GNAI2: variants seen among roughly 807,000 people sequenced by gnomAD.
GNAI2 encodes the protein G protein subunit alpha i2, also known as guanine nucleotide-binding protein G(i) subunit alpha-2.
In GNAI2, 4 loss-of-function variants were observed where a neutral mutation model predicts 36.8. That is an observed-to-expected ratio of 0.11 (90% CI 0.05 to 0.25). The LOEUF (loss-of-function observed/expected upper bound fraction) is 0.25. Ranked by LOEUF, GNAI2 falls within the 10% of genes least tolerant of loss-of-function variation. The pLI is 1.00. For synonymous variants in GNAI2, 194 were observed against 194.1 expected, an observed-to-expected ratio of 1.00 and a Z score of 0.01; for missense variants, 230 against 481.3, an observed-to-expected ratio of 0.48 and a Z score of 4.89.
At chr3:50,227,118 C>G (rs1307955300), upstream of GNAI2, 4 of 1,377,362 alleles carry the variant, frequency 2.9e-6, no homozygotes, top group Non-Finnish European at 2.8e-6. The surrounding 1 kb of genome is among the most constrained non-coding windows in gnomAD (Gnocchi z 5.9). Flanking sequence ...AAGGAGGGAG[C>G]GTCTCATGAC....
Position 50,238,880 on chromosome 3 carries a change from C to A in GNAI2, c.118+2427C>A, listed in dbSNP as rs1700243292. ...GGGACTCAGGTTGGGCAACTGCCAGCCTTCCCTCCCAGCCAGAACCACGCC... is the reference window on the plus strand; with the variant it reads ...GGGACTCAGGTTGGGCAACTGCCAGACTTCCCTCCCAGCCAGAACCACGCC... On this transcript the variant is annotated intron_variant, in intron 1 of 8. Coordinates refer to ENST00000313601, the MANE Select transcript of GNAI2 (RefSeq NM_002070.4). This position sits in a 1 kb window ranked among gnomAD's most constrained non-coding sequence, Gnocchi z 5.0. Among the ~76,000 whole-genome samples, 1 of 152,226 alleles carries A rather than the reference C, an allele frequency of 6.6e-6. No homozygotes were observed. The highest frequency in any genetic ancestry group is 2.4e-5 in the African/African-American group (1 of 41,446).
upstream of GNAI2, chr3:50,227,141 G>A (rs1247799832): frequency 7.7e-6 from 11 of 1,435,932 alleles, no homozygotes; most frequent in Non-Finnish European, 9.1e-6. This position sits in a 1 kb window ranked among gnomAD's most constrained non-coding sequence, Gnocchi z 5.9. Flanking sequence ...AGGGTGTGAA[G>A]ACGCTAGGCT....
chr3:50,228,151 G>T (rs1163548710), upstream of GNAI2, among the ~76,000 whole-genome samples: 3 of 152,214 alleles, frequency 2.0e-5, no homozygotes, highest in Non-Finnish European at 4.4e-5. Flanking sequence ...GTCTCCACAG[G>T]CTTCACTCCA....
intron 5 of GNAI2, 189 bp from the exon 6 acceptor site, chr3:50,256,515 TGCTGCTCCTGCCTGATGTG>T: frequency 2.8e-6 from 2 of 707,400 alleles, no homozygotes; most frequent in Non-Finnish European, 4.9e-6. Context: ...TCACAGCCTC[TGCTGCTCCTGCCTGATGTG>T]GCTGCAGCCT....
upstream of GNAI2, among the ~76,000 whole-genome samples, chr3:50,231,219 T>C (rs1700060424): frequency 6.6e-6 from 1 of 152,180 alleles, no homozygotes. Flanking sequence ...CGTATACAAC[T>C]ACATGAATAT....
At chr3:50,256,100 T>A in intron 4 of GNAI2, 92 bp from the exon 5 acceptor site, 1 of 458,638 alleles carries the variant, frequency 2.2e-6, no homozygotes, top group Non-Finnish European at 4.2e-6. Flanking sequence ...AGAAATGGCA[T>A]GGGAGGGAAG....
rs782525384 is a variant in GNAI2 at position 50,257,699 on chromosome 3, G to A, written c.*9G>A. ...ACTGCGGCCTCTTCTGAGGGGCAGCGGGGCCTGGCGGGATGGTGAGCCAGA... is the reference window on the plus strand; with the variant it reads ...ACTGCGGCCTCTTCTGAGGGGCAGCAGGGCCTGGCGGGATGGTGAGCCAGA... On this transcript the variant is annotated 3_prime_UTR_variant, in exon 8 of 9. Coordinates refer to ENST00000313601, the MANE Select transcript of GNAI2 (RefSeq NM_002070.4). 23 of 1,533,560 alleles carry A rather than the reference G, an allele frequency of 1.5e-5. 1 individual carries two copies. In the Admixed American group the frequency reaches 1.9e-4, roughly 13 times the overall value. The allele number at this position is 1,533,560 out of a possible 1,614,324, so 95.0% of individuals were successfully genotyped here.
At chr3:50,228,114 T>G (rs1196865280), upstream of GNAI2, among the ~76,000 whole-genome samples, 1 of 152,176 alleles carries the variant, frequency 6.6e-6, no homozygotes, top group East Asian at 1.9e-4. Context: ...TCACCAGCTC[T>G]CTTCTCCCCG....
chr3:50,241,592 G>A lies in GNAI2; in HGVS notation c.118+5139G>A, dbSNP rs955942050. Among the ~76,000 whole-genome samples, 17 of 152,212 alleles carry A rather than the reference G, an allele frequency of 1.1e-4. No individual in the cohort carries two copies. The highest frequency in any genetic ancestry group is 1.8e-4 in the Non-Finnish European group (12 of 68,028). On this transcript the variant is annotated intron_variant, in intron 1 of 8. Transcript: ENST00000313601. This position sits in a 1 kb window ranked among gnomAD's most constrained non-coding sequence, Gnocchi z 5.0. ...GAATCAGGGCAGCTGGAGCTCAGCT[G>A]GGGGCATCCCAGGCGGGTTGGGGAG...
chr3:50,252,277 C>G lies in GNAI2; in HGVS notation c.162-120C>G. On this transcript the variant is annotated intron_variant, in intron 2 of 8. Coordinates refer to ENST00000313601, the MANE Select transcript of GNAI2 (RefSeq NM_002070.4). This position sits in a 1 kb window ranked among gnomAD's most constrained non-coding sequence, Gnocchi z 4.1. ...ATCTTCTGAGAAGCAGAAGGACCCT[C>G]AGGTCCCAGTGGGTCAGGGGCAGTT... 1 of 1,395,170 alleles carries G rather than the reference C, an allele frequency of 7.2e-7. No homozygotes were observed. Among genetic ancestry groups the G allele is most frequent in the Non-Finnish European group, 1.0e-6 (1 of 990,184 alleles). 86.4% of individuals were successfully genotyped at this position (1,395,170 alleles called of 1,614,324 possible). A position where few individuals can be genotyped will look rare whatever the true frequency, so the allele number is the denominator to read the frequency against.
chr3:50,251,750 G>A (rs1553702498), intron 1 of GNAI2: 4 of 1,318,454 alleles, frequency 3.0e-6, no homozygotes, highest in Non-Finnish European at 3.0e-6. Flanking sequence ...ACAGGTTGGC[G>A]AGCCTATGTA....
At chr3:50,245,623 C>T (rs1271068248) in intron 1 of GNAI2, among the ~76,000 whole-genome samples, 1 of 152,244 alleles carries the variant, frequency 6.6e-6, no homozygotes, top group Non-Finnish European at 1.5e-5. Flanking sequence ...TGTCCAGCAC[C>T]TCCTGGCTCC....
At position 50,253,666 on chromosome 3, in the gene GNAI2, C is replaced by T. The variant is rs1469842763; in HGVS notation, c.464+482C>T. 6.6e-6 allele frequency among the ~76,000 whole-genome samples: 1 copy of T among 152,178 alleles called. No individual in the cohort carries two copies. Among genetic ancestry groups the T allele is most frequent in the African/African-American group, 2.4e-5 (1 of 41,466 alleles). On this transcript the variant is annotated intron_variant, in intron 4 of 8. Coordinates refer to ENST00000313601, the MANE Select transcript of GNAI2 (RefSeq NM_002070.4). This position sits in a 1 kb window ranked among gnomAD's most constrained non-coding sequence, Gnocchi z 4.2. The stretch of plus-strand genomic sequence containing the variant: ...GGCTGAGGCAGGAGAATGGCGTGAA[C>T]CTGGGAGGTGGAGCTTGCAGTGAGC...
upstream of GNAI2, chr3:50,230,354 A>T (rs1170223432): frequency 6.6e-6 from 1 of 152,210 alleles, no homozygotes; most frequent in East Asian, 1.9e-4. Flanking sequence ...CAAGGCTGTG[A>T]TTGAGTTGGT....
intron 1 of GNAI2, among the ~76,000 whole-genome samples, chr3:50,244,802 C>G (rs761429026): frequency 2.0e-5 from 3 of 152,130 alleles, no homozygotes; most frequent in Non-Finnish European, 4.4e-5. Context: ...ACTGAGGGGG[C>G]TGAGGAAGGC....
upstream of GNAI2, among the ~76,000 whole-genome samples, chr3:50,234,834 A>T (rs1700131995): frequency 6.6e-6 from 1 of 152,140 alleles, no homozygotes. Context: ...TGTCCAATCG[A>T]GGGTGGGGCT....
intron 1 of GNAI2, among the ~76,000 whole-genome samples, chr3:50,251,030 C>T (rs9836046): frequency 0.14 from 21,304 of 152,050 alleles, 3,762 homozygotes; most frequent in African/African-American, 0.42. Context: ...AGGCTGGTCT[C>T]GAACTCCTGA....
rs150390208 is a variant in GNAI2, at chr3:50,255,514, C to A, written c.465-678C>A. On this transcript the variant is annotated intron_variant, in intron 4 of 8. Transcript: ENST00000313601. This position sits in a 1 kb window ranked among gnomAD's most constrained non-coding sequence, Gnocchi z 4.0. ...ATGCCGTAATTGCGCCCATTAGCAT[C>A]CTGAATCCTTCACCGAAGGACTAAT... 6.6e-6 allele frequency among the ~76,000 whole-genome samples: 1 copy of A among 152,322 alleles called. No homozygotes were observed. Among genetic ancestry groups the A allele is most frequent in the Non-Finnish European group, 1.5e-5 (1 of 68,038 alleles).
upstream of GNAI2, chr3:50,227,175 C>T: frequency 6.9e-7 from 1 of 1,447,970 alleles, no homozygotes; most frequent in South Asian, 1.4e-5. The surrounding 1 kb of genome is among the most constrained non-coding windows in gnomAD (Gnocchi z 5.9). Context: ...AGGCGGGTGT[C>T]ACTGGGGACG....
Sources: gnomAD v4.1 joint callset for allele counts (sites outside exome capture counted in the v4.1 genomes callset) on GRCh38, gnomAD v4.1.1 for gene constraint, Gnocchi (gnomAD v3.1) non-coding constraint, MANE v1.5 for transcripts, NCBI Gene and HGNC (gene_info 2026-07-23, HGNC 2026-07-21) for gene names.